The following ZCCHC24 variants were observed in gnomAD, a reference collection of about 807,000 sequenced individuals.
ZCCHC24 encodes zinc finger CCHC-type containing 24, also known as zinc finger CCHC domain-containing protein 24.
A neutral mutation model predicts 26.2 loss-of-function variants in ZCCHC24; 10 were observed. That is an observed-to-expected ratio of 0.38 (90% CI 0.24 to 0.65). ZCCHC24 has a LOEUF of 0.65. ZCCHC24 is among the 30% of genes least tolerant of loss of function. ZCCHC24 has a pLI of 0.54. For synonymous variants in ZCCHC24, 144 were observed against 147.1 expected (o/e 0.98, Z 0.15); for missense variants, 243 against 329.1 (o/e 0.74, Z 2.03).
intron 1 of ZCCHC24, among the ~76,000 whole-genome samples, chr10:79,444,440 T>C (rs993525197): frequency 3.3e-5 from 5 of 152,212 alleles, no homozygotes; most frequent in African/African-American, 4.8e-5. Context: ...GGCCCAGGTT[T>C]CTGCAGAAGG....
intron 1 of ZCCHC24, 96 bp from the exon 2 acceptor site, chr10:79,432,854 T>G (rs1857154094): frequency 7.4e-7 from 1 of 1,353,574 alleles, no homozygotes; most frequent in East Asian, 2.6e-5. Context: ...CACTGAGTCT[T>G]CAGCTACCCG....
chr10:79,437,635 G>T (rs1857233606), intron 1 of ZCCHC24, among the ~76,000 whole-genome samples: 1 of 152,174 alleles, frequency 6.6e-6, no homozygotes, highest in Non-Finnish European at 1.5e-5. Flanking sequence ...ACTCTACTTG[G>T]CACAGAGGCC....
chr10:79,435,148 CACAATTTCACAAATA>C (rs1484955164), intron 1 of ZCCHC24, among the ~76,000 whole-genome samples: 4 of 152,112 alleles, frequency 2.6e-5, no homozygotes, highest in Admixed American at 2.6e-4. Context: ...GGCTGGGAAA[CACAATTTCACAAATA>C]ACAACCCTCT....
In ZCCHC24 at chr10:79,385,340, A is replaced by G. The variant is rs1856373674; in HGVS notation, c.*1005T>C. ...ACCGGCCAGCCTGAATCCCAGAACA[A>G]CAGAGCTGAAATGGGCCCTCTGCTC... On this transcript the variant is annotated 3_prime_UTR_variant, in exon 4 of 4. Coordinates refer to ENST00000372336, the MANE Select transcript of ZCCHC24 (RefSeq NM_153367.4). The surrounding 1 kb of genome is among the most constrained non-coding windows in gnomAD (Gnocchi z 4.3). The G allele has an allele frequency of 6.6e-6, 1 of 152,282 alleles. No homozygotes were observed. Among genetic ancestry groups the G allele is most frequent in the Non-Finnish European group, 1.5e-5 (1 of 68,058 alleles). 9.4% of individuals were successfully genotyped at this position (152,282 alleles called of 1,614,324 possible).
rs528561886 is a variant in ZCCHC24, at chr10:79,399,773, G to C, written c.448-5333C>G. On this transcript the variant is annotated intron_variant, in intron 2 of 3. Transcript: ENST00000372336. ...GCTGCAGGGCGGGGAAGTGGGAGGG[G>C]CCCCCCGGGCAAGCCAGCGGCTTCG... Among the ~76,000 whole-genome samples, 5 of 152,324 alleles carry C rather than the reference G, an allele frequency of 3.3e-5. No individual in the cohort carries two copies. The South Asian group carries it at 1.0e-3, about 32-fold the overall frequency.
intron 1 of ZCCHC24, among the ~76,000 whole-genome samples, chr10:79,436,090 A>T (rs922093421): frequency 1.3e-5 from 2 of 152,190 alleles, no homozygotes; most frequent in Admixed American, 1.3e-4. Context: ...TGGCATGCAG[A>T]GGCCGACACA....
At chr10:79,442,319 C>T (rs1857300718) in intron 1 of ZCCHC24, among the ~76,000 whole-genome samples, 1 of 152,178 alleles carries the variant, frequency 6.6e-6, no homozygotes, top group African/African-American at 2.4e-5. Flanking sequence ...CTTGCTCCTG[C>T]ACCAGGAACT....
intron 2 of ZCCHC24, among the ~76,000 whole-genome samples, chr10:79,421,719 T>C (rs941230338): frequency 2.0e-5 from 3 of 152,068 alleles, no homozygotes; most frequent in Non-Finnish European, 4.4e-5. Context: ...CTCCACATCC[T>C]GAGTTCAAGC....
intron 3 of ZCCHC24, among the ~76,000 whole-genome samples, chr10:79,386,700 C>T (rs942152449): frequency 8.5e-5 from 13 of 152,142 alleles, no homozygotes; most frequent in East Asian, 1.9e-4. Context: ...GCCACGGTGC[C>T]GGGGCCCTCC....
chr10:79,443,172 C>G (rs777894919), intron 1 of ZCCHC24, among the ~76,000 whole-genome samples: 4 of 152,124 alleles, frequency 2.6e-5, no homozygotes, highest in Admixed American at 6.5e-5. Context: ...TACAGTATAA[C>G]CTTTTCCTGC....
chr10:79,406,804 C>G (rs1481295604), intron 2 of ZCCHC24, among the ~76,000 whole-genome samples: 2 of 152,210 alleles, frequency 1.3e-5, no homozygotes, highest in African/African-American at 4.8e-5. Flanking sequence ...CGCATGCCTC[C>G]TACATGGCCT....
Position 79,383,798 on chromosome 10 carries a change from A to T in ZCCHC24, c.*2547T>A, listed in dbSNP as rs569136173. 1.3e-4 allele frequency: 20 copies of T among 152,730 alleles called. No homozygotes were observed. The highest frequency in any genetic ancestry group is 1.9e-4 in the Non-Finnish European group (13 of 67,998). The allele number at this position is 152,730 out of a possible 1,614,324, so 9.5% of individuals were successfully genotyped here. On this transcript the variant is annotated 3_prime_UTR_variant, in exon 4 of 4. Transcript: ENST00000372336. ...TTCCAAAATACACACATATTTTTTT[A>T]AAAAAGGAATTCTGTGTCAAGTATA...
chr10:79,394,613 C>T (rs1017240095), intron 2 of ZCCHC24, 173 bp from the exon 3 acceptor site: 6 of 985,270 alleles, frequency 6.1e-6, no homozygotes, highest in African/African-American at 5.2e-5. Context: ...GACGGGAATC[C>T]GAAGGCTGGG....
At chr10:79,440,438 C>G (rs1372910808) in intron 1 of ZCCHC24, among the ~76,000 whole-genome samples, 2 of 152,152 alleles carry the variant, frequency 1.3e-5, no homozygotes, top group Admixed American at 6.5e-5. Flanking sequence ...GTTTGAGGAC[C>G]AGGGACAAAA....
chr10:79,428,630 T>C (rs150220011), intron 2 of ZCCHC24, among the ~76,000 whole-genome samples: 3 of 151,934 alleles, frequency 2.0e-5, no homozygotes, highest in African/African-American at 7.2e-5. Context: ...AAAGTAAAGA[T>C]GCAAGTGGAA....
At chr10:79,433,566 G>C (rs1235719211) in intron 1 of ZCCHC24, among the ~76,000 whole-genome samples, 1 of 152,240 alleles carries the variant, frequency 6.6e-6, no homozygotes, top group Admixed American at 6.5e-5. Flanking sequence ...GGGGCTGGCA[G>C]GGAGCAGCCA....
chr10:79,426,741 A>G (rs544551746), intron 2 of ZCCHC24, among the ~76,000 whole-genome samples: 5 of 152,370 alleles, frequency 3.3e-5, no homozygotes, highest in South Asian at 4.1e-4. Context: ...ATGCAAAAGA[A>G]AGCAATTTAT....
At chr10:79,427,044 A>G (rs1422703853) in intron 2 of ZCCHC24, among the ~76,000 whole-genome samples, 2 of 152,144 alleles carry the variant, frequency 1.3e-5, no homozygotes, top group Non-Finnish European at 2.9e-5. Context: ...AGGTATACTA[A>G]TATCAGACAA....
At chr10:79,442,045 G>A (rs1345767748) in intron 1 of ZCCHC24, among the ~76,000 whole-genome samples, 4 of 152,284 alleles carry the variant, frequency 2.6e-5, no homozygotes, top group Middle Eastern at 3.4e-3. Flanking sequence ...ACCCCATGCA[G>A]CCCAGCCCCT....
Sources: allele counts gnomAD v4.1 joint callset (sites outside exome capture counted in the v4.1 genomes callset), GRCh38; gene constraint gnomAD v4.1.1; non-coding constraint Gnocchi (gnomAD v3.1); transcripts MANE v1.5; gene names NCBI Gene and HGNC (gene_info 2026-07-23, HGNC 2026-07-21).